Variants in POU2F3 observed in about 807,000 individuals in gnomAD.
POU2F3 encodes the protein POU class 2 homeobox 3, also known as POU domain, class 2, transcription factor 3.
A neutral mutation model predicts 59.2 loss-of-function variants in POU2F3; 23 were observed. The observed-to-expected ratio is 0.39, with a 90% CI of 0.28 to 0.55. The LOEUF (loss-of-function observed/expected upper bound fraction) is 0.55. POU2F3 is among the 20% of genes least tolerant of loss of function. The pLI is 0.66. For missense variants in POU2F3, 473 were observed against 544.5 expected, an observed-to-expected ratio of 0.87 and a Z score of 1.31; for synonymous variants, 190 against 214.6, an observed-to-expected ratio of 0.89 and a Z score of 1.00.
intron 2 of POU2F3, 78 bp downstream of exon 2, chr11:120,246,595 C>T: frequency 6.6e-7 from 1 of 1,507,496 alleles, no homozygotes; most frequent in East Asian, 2.3e-5. Flanking sequence ...ACTGGTGTCT[C>T]TTCTTGCTTG....
intron 1 of POU2F3, among the ~76,000 whole-genome samples, chr11:120,242,482 G>A (rs976081652): frequency 2.6e-5 from 4 of 152,026 alleles, no homozygotes; most frequent in Non-Finnish European, 4.4e-5. Flanking sequence ...ATTTTCCCCC[G>A]CCAAGGTAAT....
rs763428567 is a variant in POU2F3 at position 120,317,360 on chromosome 11, T to G, written c.1267T>G (p.Ser423Ala). 6 of 1,614,080 alleles carry G rather than the reference T, an allele frequency of 3.7e-6. No homozygotes were observed. Among genetic ancestry groups the G allele is most frequent in the Non-Finnish European group, 4.2e-6 (5 of 1,180,008 alleles). The part of the protein sequence containing the change: ...AVNSASSFNS[S>A]GSWYRWNHST... ...GAACTCCGCCTCCAGTTTTAACTCT[T>G]CAGGGTAAGGTGAAGGGGACGGTGC... is the stretch of plus-strand genomic sequence containing the variant. The change falls in exon 12 of 13, where the codon TCA becomes GCA. Residue 423 changes from serine (S) to alanine (A), a missense_variant. Transcript: ENST00000543440.
intron 2 of POU2F3, chr11:120,254,764 C>T (rs182761181): frequency 3.3e-5 from 5 of 152,354 alleles, no homozygotes; most frequent in African/African-American, 1.2e-4. Flanking sequence ...CCAGAGCCCT[C>T]ATAAGTGGCT....
At chr11:120,250,637 G>A (rs1939056630) in intron 2 of POU2F3, among the ~76,000 whole-genome samples, 1 of 152,148 alleles carries the variant, frequency 6.6e-6, no homozygotes, top group African/African-American at 2.4e-5. Context: ...ATGGTGGTAG[G>A]AAGACTGGGA....
At chr11:120,295,065 C>G (rs1375429736) in intron 3 of POU2F3, among the ~76,000 whole-genome samples, 2 of 152,206 alleles carry the variant, frequency 1.3e-5, no homozygotes, top group Non-Finnish European at 2.9e-5. Flanking sequence ...TTTCTGCTAT[C>G]ACGCACTTCA....
At position 120,319,558 on chromosome 11, in the gene POU2F3, A is replaced by G. The variant is rs1024792882; in HGVS notation, c.*1166A>G. The G allele has an allele frequency of 2.0e-5, 3 of 148,030 alleles. No homozygotes were observed. In the Admixed American group the frequency reaches 2.1e-4, roughly 10 times the overall value. The allele number at this position is 148,030 out of a possible 1,614,324, so 9.2% of individuals were successfully genotyped here. ...TGGGTTCAAGCGATTCTCCTGCCTCAGCCTCTCAAGTAGCGGGATTACAGG... is the reference window on the plus strand; with the variant it reads ...TGGGTTCAAGCGATTCTCCTGCCTCGGCCTCTCAAGTAGCGGGATTACAGG... On this transcript the variant is annotated 3_prime_UTR_variant, in exon 13 of 13. Coordinates refer to ENST00000543440, the MANE Select transcript of POU2F3 (RefSeq NM_014352.4).
rs759639068 is a variant in POU2F3 at position 120,309,464 on chromosome 11, G to A, written c.946G>A (p.Glu316Lys). ...CTCGGAGGAGATCTCCATGATTGCA[G>A]AGCAGTTGTCCATGGAGAAGGAGGT... ...PSSEEISMIA[E>K]QLSMEKEVVR... Residue 316 changes from glutamate (E) to lysine (K), a missense_variant, in exon 10 of 13, where the codon GAG becomes AAG. Coordinates refer to ENST00000543440, the MANE Select transcript of POU2F3 (RefSeq NM_014352.4). The A allele has an allele frequency of 3.7e-6, 6 of 1,614,054 alleles. No homozygotes were observed. In the South Asian group the frequency reaches 6.6e-5, roughly 18 times the overall value.
chr11:120,314,026 A>G (rs1195344360), intron 10 of POU2F3, among the ~76,000 whole-genome samples: 1 of 152,130 alleles, frequency 6.6e-6, no homozygotes. Flanking sequence ...ACCAACAACA[A>G]CAACAACAAC....
chr11:120,257,776 A>G (rs1939408195), intron 2 of POU2F3, among the ~76,000 whole-genome samples: 1 of 152,194 alleles, frequency 6.6e-6, no homozygotes, highest in Non-Finnish European at 1.5e-5. Flanking sequence ...GGTGAGGATC[A>G]AACAAGAAAT....
At chr11:120,299,245 G>T (rs1441535526) in intron 4 of POU2F3, among the ~76,000 whole-genome samples, 1 of 152,208 alleles carries the variant, frequency 6.6e-6, no homozygotes, top group Non-Finnish European at 1.5e-5. Context: ...GATTTAAAAA[G>T]AATTGGATAG....
intron 3 of POU2F3, among the ~76,000 whole-genome samples, chr11:120,283,772 CGTGTGTGTGTGTGT>C (rs36099803): frequency 4.5e-4 from 59 of 130,446 alleles, no homozygotes; most frequent in Middle Eastern, 3.8e-3. Context: ...TAATAGGCTT[CGTGTGTGTGTGTGT>C]GTGTGTGTGT....
In POU2F3 at chr11:120,285,094, G is replaced by A. The variant is rs1940732970; in HGVS notation, c.133-13171G>A. ...TGCACGTAATGAAACGAAGGTCAGA[G>A]TCGGTGATGTTAGTTACTTTACTAT... On this transcript the variant is annotated intron_variant, in intron 3 of 12. Coordinates refer to ENST00000543440, the MANE Select transcript of POU2F3 (RefSeq NM_014352.4). This position sits in a 1 kb window ranked among gnomAD's most constrained non-coding sequence, Gnocchi z 4.3. 6.6e-6 allele frequency among the ~76,000 whole-genome samples: 1 copy of A among 152,226 alleles called. No homozygotes were observed. Among genetic ancestry groups the A allele is most frequent in the Non-Finnish European group, 1.5e-5 (1 of 68,044 alleles).
chr11:120,273,211 G>A (rs1471083897), intron 3 of POU2F3, among the ~76,000 whole-genome samples: 1 of 152,198 alleles, frequency 6.6e-6, no homozygotes, highest in Admixed American at 6.5e-5. Flanking sequence ...GAAACAGAAG[G>A]ACCCAGTAGG....
intron 3 of POU2F3, among the ~76,000 whole-genome samples, chr11:120,282,443 G>T (rs1196569022): frequency 6.6e-6 from 1 of 152,194 alleles, no homozygotes. Flanking sequence ...ATCACTTGAG[G>T]CTAGGAGTTC....
At chr11:120,236,681 C>G (rs527418232), upstream of POU2F3, 5 of 1,504,954 alleles carry the variant, frequency 3.3e-6, no homozygotes, top group Non-Finnish European at 4.5e-6. Context: ...TTCATGGAGT[C>G]TCCAAGAACT....
At chr11:120,281,227 G>A (rs1940557498) in intron 3 of POU2F3, among the ~76,000 whole-genome samples, 2 of 151,828 alleles carry the variant, frequency 1.3e-5, no homozygotes, top group East Asian at 1.9e-4. Flanking sequence ...CGAGTTTTAT[G>A]TCCCTCTCTG....
At chr11:120,298,162 C>G in intron 3 of POU2F3, 103 bp from the exon 4 acceptor site, 1 of 1,410,882 alleles carries the variant, frequency 7.1e-7, no homozygotes, top group Non-Finnish European at 9.6e-7. Flanking sequence ...TCTCTCCTCT[C>G]TAGGCTGGTC....
chr11:120,318,445 G>A lies in POU2F3; in HGVS notation c.*53G>A. The A allele has an allele frequency of 1.3e-6, 2 of 1,503,552 alleles. No homozygotes were observed. Among genetic ancestry groups the A allele is most frequent in the Non-Finnish European group, 1.9e-6 (2 of 1,079,622 alleles). The allele number at this position is 1,503,552 out of a possible 1,614,324, so 93.1% of individuals were successfully genotyped here. On this transcript the variant is annotated 3_prime_UTR_variant, in exon 13 of 13. Transcript: ENST00000543440. ...GGCCCTGTATTCCCCCTGGAAGGAA[G>A]GGAATCATGCCTTCTATATACAGAC...
chr11:120,267,092 G>C (rs761942302), intron 2 of POU2F3, among the ~76,000 whole-genome samples: 1 of 151,678 alleles, frequency 6.6e-6, no homozygotes, highest in Non-Finnish European at 1.5e-5. Flanking sequence ...CAGCTATTGC[G>C]GCTGTGGGTC....
Sources: gnomAD v4.1 joint callset for allele counts (sites outside exome capture counted in the v4.1 genomes callset) on GRCh38, gnomAD v4.1.1 for gene constraint, Gnocchi (gnomAD v3.1) non-coding constraint, MANE v1.5 for transcripts, NCBI Gene and HGNC (gene_info 2026-07-23, HGNC 2026-07-21) for gene names.